CNBD2: variants seen among roughly 807,000 people sequenced by gnomAD.
CNBD2 encodes the protein cyclic nucleotide binding domain containing 2.
CNBD2 carries 64 observed loss-of-function variants against 63.7 expected under a neutral mutation model. The observed-to-expected ratio is 1.00, with a 90% confidence interval of 0.82 to 1.24. CNBD2 has a LOEUF of 1.24. Ranked by LOEUF, CNBD2 falls within the 50% of genes most tolerant of loss-of-function variation. The pLI is 0.00. For synonymous variants in CNBD2, 229 were observed against 255.4 expected (o/e 0.90, Z 0.99); for missense variants, 691 against 713.5 (o/e 0.97, Z 0.36).
At chr20:35,990,217 T>G (rs1251340352) in intron 7 of CNBD2, among the ~76,000 whole-genome samples, 1 of 152,250 alleles carries the variant, frequency 6.6e-6, no homozygotes, top group Non-Finnish European at 1.5e-5. Context: ...TTTAGGGCTT[T>G]GCTGATTGTC....
intron 8 of CNBD2, among the ~76,000 whole-genome samples, chr20:36,000,149 G>A (rs1245700419): frequency 6.6e-6 from 1 of 152,010 alleles, no homozygotes; most frequent in African/African-American, 2.4e-5. Context: ...TTGTATTTCA[G>A]CTCTGTTAGT....
At chr20:35,980,355 T>TA in intron 3 of CNBD2, 104 bp from the exon 4 acceptor site, 1 of 1,059,536 alleles carries the variant, frequency 9.4e-7, no homozygotes, top group Non-Finnish European at 1.4e-6. Flanking sequence ...GCCACTGTGG[T>TA]ACAGGGAACG....
chr20:35,998,130 C>T (rs1318385572), intron 8 of CNBD2, among the ~76,000 whole-genome samples: 3 of 151,066 alleles, frequency 2.0e-5, no homozygotes, highest in Non-Finnish European at 2.9e-5. Context: ...CATCCTCCAC[C>T]CCCCAGGTTC....
rs765119984 is a variant in CNBD2, at chr20:35,972,694, C to G, written c.117C>G (p.Gly39=). The G allele has an allele frequency of 4.3e-6, 7 of 1,613,682 alleles. No individual in the cohort carries two copies. The highest frequency in any genetic ancestry group is 2.2e-5 in the East Asian group (1 of 44,898). The change falls in exon 2 of 12, where the codon GGC becomes GGG. Residue 39 remains glycine, a synonymous_variant. Transcript: ENST00000373973. ...MIRVCKMFRQ[G]LRGFREYQII... ...GAGTGTGTAAAATGTTCCGCCAAGG[C>G]CTCAGGGGATTCCGGGAATATCAAA...
Position 36,030,350 on chromosome 20 carries a change from C to T in CNBD2, c.1440-7C>T. On this transcript the variant is annotated splice_polypyrimidine_tract_variant and splice_region_variant and intron_variant, in intron 11 of 11. Transcript: ENST00000373973. ...TGAGAACCTCGGCTTCTGTGCCTGCCCTTTAGTGATGAAGATATGTGCCAG... is the reference window on the plus strand; with the variant it reads ...TGAGAACCTCGGCTTCTGTGCCTGCTCTTTAGTGATGAAGATATGTGCCAG... The T allele has an allele frequency of 6.2e-7, 1 of 1,613,852 alleles. No individual in the cohort carries two copies. Among genetic ancestry groups the T allele is most frequent in the Non-Finnish European group, 8.5e-7 (1 of 1,179,836 alleles).
At chr20:35,985,000 A>G (rs1166047844) in intron 6 of CNBD2, among the ~76,000 whole-genome samples, 1 of 152,066 alleles carries the variant, frequency 6.6e-6, no homozygotes. Context: ...TAGTAAGAAT[A>G]GCTAACACGG....
upstream of CNBD2, among the ~76,000 whole-genome samples, chr20:35,967,544 TAAAA>T (rs563739384): frequency 8.3e-6 from 1 of 119,964 alleles, no homozygotes; most frequent in Non-Finnish European, 1.8e-5. Context: ...ACTGCTTTCT[TAAAA>T]AAAAAAAAAA....
chr20:36,002,002 G>C (rs938896596), intron 8 of CNBD2, among the ~76,000 whole-genome samples: 2 of 152,088 alleles, frequency 1.3e-5, no homozygotes, highest in Non-Finnish European at 2.9e-5. Context: ...GGTGGCGGCC[G>C]GGCAGAGGCT....
rs1396774067 is a variant in CNBD2 at position 35,980,394 on chromosome 20, G to A, written c.244-65G>A. ...GAGTGTACAAGCAGGACTGTGGGGT[G>A]TTGCCCGCTGGCCCATGGGTGAAAT... On this transcript the variant is annotated intron_variant, in intron 3 of 11. Coordinates refer to ENST00000373973, the MANE Select transcript of CNBD2 (RefSeq NM_001365709.1). 2.7e-6 allele frequency: 4 copies of A among 1,487,792 alleles called. No homozygotes were observed. In the East Asian group the frequency reaches 9.0e-5, roughly 34 times the overall value. The allele number at this position is 1,487,792 out of a possible 1,614,324, so 92.2% of individuals were successfully genotyped here.
rs1330904652 is a variant in CNBD2 at position 36,015,426 on chromosome 20, C to CA, written c.1269+4177dup. Among the ~76,000 whole-genome samples, 39 of 151,324 alleles carry CA rather than the reference C, an allele frequency of 2.6e-4. No individual in the cohort carries two copies. The East Asian group carries it at 5.6e-3, about 22-fold the overall frequency. ...TGCCTGTGTTTTTGGGGTCATACCC[C>CA]AAAAAAAACCATTGCCCAGGCCAAT... is the stretch of plus-strand genomic sequence containing the variant. On this transcript the variant is annotated intron_variant, in intron 10 of 11. Coordinates refer to ENST00000373973, the MANE Select transcript of CNBD2 (RefSeq NM_001365709.1).
chr20:36,000,548 T>C (rs532689791), intron 8 of CNBD2, among the ~76,000 whole-genome samples: 31 of 151,964 alleles, frequency 2.0e-4, no homozygotes, highest in Middle Eastern at 6.8e-3. Flanking sequence ...GGCTAATTTT[T>C]GTATTTGTTG....
chr20:35,998,874 C>CA (rs74173968), intron 8 of CNBD2, among the ~76,000 whole-genome samples: 7,940 of 46,778 alleles, frequency 0.17, 755 homozygotes, highest in Non-Finnish European at 0.25. Flanking sequence ...CTGTGTCTCT[C>CA]AAAAAAAAAA....
chr20:35,998,385 C>A (rs1281047540), intron 8 of CNBD2, among the ~76,000 whole-genome samples: 1 of 151,968 alleles, frequency 6.6e-6, no homozygotes, highest in Admixed American at 6.6e-5. Context: ...TGATTTGAAT[C>A]CTCTGAAATG....
intron 10 of CNBD2, 92 bp downstream of exon 10, chr20:36,011,349 C>A: frequency 7.5e-7 from 1 of 1,325,700 alleles, no homozygotes; most frequent in East Asian, 2.7e-5. Flanking sequence ...AAAAACACTT[C>A]CCTCCATATT....
chr20:35,959,465 C>CA (rs1212080708), downstream of CNBD2: 1 of 152,488 alleles, frequency 6.6e-6, no homozygotes, highest in African/African-American at 2.4e-5. Flanking sequence ...CAAGGAGGAG[C>CA]AAGTCACATC....
chr20:35,983,935 C>T (rs774823255), intron 4 of CNBD2, 47 bp from the exon 5 acceptor site: 1 of 1,611,836 alleles, frequency 6.2e-7, no homozygotes, highest in South Asian at 1.1e-5. Context: ...CAGCTTGGAC[C>T]TGCCCCCATG....
chr20:35,973,062 T>C (rs2056445009), intron 2 of CNBD2: 2 of 486,336 alleles, frequency 4.1e-6, no homozygotes, highest in African/African-American at 3.9e-5. Context: ...CCAAAACTCA[T>C]GGCAGGGAAA....
Position 35,987,543 on chromosome 20 carries a change from C to T in CNBD2, c.855+10C>T. The T allele has an allele frequency of 6.2e-7, 1 of 1,613,964 alleles. No individual in the cohort carries two copies. Among genetic ancestry groups the T allele is most frequent in the Non-Finnish European group, 8.5e-7 (1 of 1,179,968 alleles). On this transcript the variant is annotated intron_variant, in intron 7 of 11. Transcript: ENST00000373973. ...CATGTTTATCAGCAAGGTGAAAAGTCTGGGGGTTGGGATGAGGGTGAACCT... is the reference window on the plus strand; with the variant it reads ...CATGTTTATCAGCAAGGTGAAAAGTTTGGGGGTTGGGATGAGGGTGAACCT...
At chr20:35,956,335 G>A (rs1322322206), downstream of CNBD2, among the ~76,000 whole-genome samples, 1 of 152,168 alleles carries the variant, frequency 6.6e-6, no homozygotes, top group Non-Finnish European at 1.5e-5. Context: ...GATTTCACAT[G>A]CAAATCTGGA....
Sources: allele counts gnomAD v4.1 joint callset (sites outside exome capture counted in the v4.1 genomes callset), GRCh38; gene constraint gnomAD v4.1.1; transcripts MANE v1.5; gene names NCBI Gene and HGNC (gene_info 2026-07-23, HGNC 2026-07-21).